The following DNAH12 variants were observed in gnomAD, a reference collection of about 807,000 sequenced individuals.
The protein encoded by DNAH12 is dynein axonemal heavy chain 12.
A neutral mutation model predicts 371.5 loss-of-function variants in DNAH12; 285 were observed. That is an observed-to-expected ratio of 0.77 (90% CI 0.70 to 0.85). The LOEUF is 0.85. DNAH12 is among the 40% of genes least tolerant of loss of function. The pLI is 0.00. For missense variants in DNAH12, 3,611 were observed against 3,689.4 expected (o/e 0.98, Z 0.55); for synonymous variants, 1,200 against 1,213.0 (o/e 0.99, Z 0.22).
chr3:57,466,113 A>G (rs2153378936), intron 17 of DNAH12, among the ~76,000 whole-genome samples: 1 of 152,156 alleles, frequency 6.6e-6, no homozygotes, highest in East Asian at 1.9e-4. Context: ...CATACATTAT[A>G]TAGGTGTGAA....
rs2067331667 is a variant in DNAH12 at position 57,496,600 on chromosome 3, C to T, written c.1335+4721G>A. ...AAATCTGAATATATTTCCCATAAGA[C>T]CATAAACACAGCAAGGATGCCCTAT... On this transcript the variant is annotated intron_variant, in intron 11 of 73. Coordinates refer to ENST00000495027, the MANE Select transcript of DNAH12 (RefSeq NM_001366028.2). Among the ~76,000 whole-genome samples the T allele has an allele frequency of 2.6e-5, 4 of 152,232 alleles. No homozygotes were observed. In the South Asian group the frequency reaches 8.3e-4, roughly 32 times the overall value.
chr3:57,412,604 A>G (rs193230138), intron 39 of DNAH12, among the ~76,000 whole-genome samples: 34 of 152,344 alleles, frequency 2.2e-4, no homozygotes, highest in Non-Finnish European at 4.7e-4. Context: ...AAGAAAGCAA[A>G]CAACCCAATT....
intron 40 of DNAH12, 40 bp downstream of exon 40, chr3:57,408,238 AAT>A (rs2064097192): frequency 6.9e-7 from 1 of 1,455,308 alleles, no homozygotes; most frequent in African/African-American, 1.4e-5. Context: ...AAATGAGGGA[AAT>A]ATGTAATACT....
At chr3:57,349,926 G>C (rs2062631591) in intron 60 of DNAH12, among the ~76,000 whole-genome samples, 1 of 152,184 alleles carries the variant, frequency 6.6e-6, no homozygotes, top group African/African-American at 2.4e-5. Flanking sequence ...CTGAACTCAG[G>C]CGATCCACTT....
intron 12 of DNAH12, among the ~76,000 whole-genome samples, chr3:57,485,056 GA>G (rs1375290331): frequency 6.6e-6 from 1 of 152,188 alleles, no homozygotes; most frequent in Non-Finnish European, 1.5e-5. Context: ...TGGATGTGGT[GA>G]AAAGGGAACA....
chr3:57,392,701 A>G (rs2063651166), intron 44 of DNAH12, among the ~76,000 whole-genome samples: 1 of 152,236 alleles, frequency 6.6e-6, no homozygotes, highest in South Asian at 2.1e-4. Flanking sequence ...AGTATATAGA[A>G]TATGATCCTG....
intron 45 of DNAH12, among the ~76,000 whole-genome samples, chr3:57,390,978 C>T (rs1290387462): frequency 6.6e-6 from 1 of 152,178 alleles, no homozygotes; most frequent in Non-Finnish European, 1.5e-5. Context: ...ACTGCTGCTG[C>T]CCTTAAAATG....
chr3:57,315,705 A>G (rs1269450078), intron 65 of DNAH12, among the ~76,000 whole-genome samples: 1 of 152,086 alleles, frequency 6.6e-6, no homozygotes, highest in Non-Finnish European at 1.5e-5. Flanking sequence ...AAAGGGAGGC[A>G]GAGAAAGAGG....
At chr3:57,334,240 T>C (rs2153307131) in intron 62 of DNAH12, among the ~76,000 whole-genome samples, 1 of 152,292 alleles carries the variant, frequency 6.6e-6, no homozygotes, top group Non-Finnish European at 1.5e-5. Flanking sequence ...TATGTGCAAC[T>C]GAAATCCTGG....
intron 22 of DNAH12, among the ~76,000 whole-genome samples, chr3:57,455,408 TA>T (rs547067884): frequency 3.7e-3 from 507 of 137,236 alleles, no homozygotes; most frequent in Middle Eastern, 0.011. Context: ...CTACTAAAAA[TA>T]AAAAAAAAAA....
At chr3:57,324,761 G>C (rs1016848318) in intron 62 of DNAH12, among the ~76,000 whole-genome samples, 1 of 152,230 alleles carries the variant, frequency 6.6e-6, no homozygotes, top group Admixed American at 6.5e-5. Context: ...GCCGAAGCAG[G>C]GCGAGGCATT....
rs2064277028 is a variant in DNAH12, at chr3:57,413,738, A to T, written c.6020+8T>A. On this transcript the variant is annotated splice_region_variant and intron_variant, in intron 39 of 73. Coordinates refer to ENST00000495027, the MANE Select transcript of DNAH12 (RefSeq NM_001366028.2). The stretch of plus-strand genomic sequence containing the variant: ...ACTTCAGCATAACTTATCGAATTAA[A>T]TAGTTACCAATGTCCACAGTCAAAA... 1 of 1,548,342 alleles carries T rather than the reference A, an allele frequency of 6.5e-7. No homozygotes were observed. The highest frequency in any genetic ancestry group is 2.5e-5 in the East Asian group (1 of 40,804).
chr3:57,500,098 T>A (rs1381694218), intron 11 of DNAH12, among the ~76,000 whole-genome samples: 5 of 151,588 alleles, frequency 3.3e-5, no homozygotes, highest in Admixed American at 1.3e-4. Context: ...TGGAGTGCAG[T>A]GGCATGAGCT....
chr3:57,379,672 CT>C (rs1647362044), intron 51 of DNAH12, among the ~76,000 whole-genome samples: 1 of 151,620 alleles, frequency 6.6e-6, no homozygotes, highest in Non-Finnish European at 1.5e-5. Flanking sequence ...AAAACCCTGT[CT>C]CTACTAATAG....
upstream of DNAH12, among the ~76,000 whole-genome samples, chr3:57,546,940 T>C (rs1376450811): frequency 3.3e-5 from 5 of 152,100 alleles, no homozygotes; most frequent in African/African-American, 1.2e-4. Context: ...TTGAGGGAGT[T>C]TGAGACCAGC....
rs752914975 is a variant in DNAH12, at chr3:57,471,518, C to T, written c.1865G>A (p.Arg622His). ...LILEIEKESR[R>H]MEEFTEFAEL... ...TGCAAATTCTGTAAACTCCTCCATGCGGCGTGATTCTTTTTCTATTTCCAA... is the reference window on the plus strand; with the variant it reads ...TGCAAATTCTGTAAACTCCTCCATGTGGCGTGATTCTTTTTCTATTTCCAA... The change falls in exon 15 of 74, where the codon CGC becomes CAC. Residue 622 changes from arginine to histidine, a missense_variant. Physicochemically the swap from Arg to His is conservative, Grantham distance 29. Coordinates refer to ENST00000495027, the MANE Select transcript of DNAH12 (RefSeq NM_001366028.2). The T allele has an allele frequency of 1.5e-5, 24 of 1,548,852 alleles. No homozygotes were observed. The highest frequency in any genetic ancestry group is 1.2e-4 in the African/African-American group (9 of 72,988).
intron 29 of DNAH12, among the ~76,000 whole-genome samples, chr3:57,437,639 T>C (rs933564153): frequency 2.0e-5 from 3 of 152,074 alleles, no homozygotes; most frequent in African/African-American, 4.8e-5. Flanking sequence ...AAGAAACCAA[T>C]AGAGATTTTA....
intron 70 of DNAH12, among the ~76,000 whole-genome samples, chr3:57,299,646 A>C (rs999243108): frequency 6.6e-6 from 1 of 152,108 alleles, no homozygotes; most frequent in East Asian, 1.9e-4. Flanking sequence ...ATTAGGTCAT[A>C]AGGGTGGAGC....
chr3:57,537,771 G>A (rs1288520367), intron 2 of DNAH12, among the ~76,000 whole-genome samples: 5 of 148,946 alleles, frequency 3.4e-5, no homozygotes, highest in African/African-American at 1.3e-4. Flanking sequence ...TGCAACCTCC[G>A]CCTCCAGGGT....
Sources: allele counts gnomAD v4.1 joint callset (sites outside exome capture counted in the v4.1 genomes callset), GRCh38; gene constraint gnomAD v4.1.1; transcripts MANE v1.5; gene names NCBI Gene and HGNC (gene_info 2026-07-23, HGNC 2026-07-21).